Variants in FBXO4 observed in about 807,000 individuals in gnomAD.
FBXO4 encodes F-box protein 4, also known as F-box only protein 4.
Under a neutral mutation model 43.7 loss-of-function variants are expected in FBXO4, and 36 were observed. The ratio of observed to expected loss-of-function variants is 0.82; its 90% CI spans 0.63 to 1.09. The LOEUF is 1.09. Ranked by LOEUF, FBXO4 falls within the 50% of genes least tolerant of loss-of-function variation. FBXO4 has a pLI of 0.00. For synonymous variants in FBXO4, 180 were observed against 165.6 expected, an observed-to-expected ratio of 1.09 and a Z score of -0.67; for missense variants, 435 against 474.1, an observed-to-expected ratio of 0.92 and a Z score of 0.77.
At chr5:42,032,630 G>A in the FBXO4 span, among the ~76,000 whole-genome samples, 1 of 152,130 alleles carries the variant, frequency 6.6e-6, no homozygotes, top group Non-Finnish European at 1.5e-5. Flanking sequence ...TCAGGACAGT[G>A]GGCTCCCCTC....
chr5:42,008,356 T>G, the FBXO4 span, among the ~76,000 whole-genome samples: 1 of 152,172 alleles, frequency 6.6e-6, no homozygotes, highest in South Asian at 2.1e-4. Flanking sequence ...TTTCTGTTTT[T>G]CCTCCTGATT....
the FBXO4 span, among the ~76,000 whole-genome samples, chr5:41,991,780 G>C: frequency 1.8e-4 from 27 of 152,256 alleles, no homozygotes; most frequent in African/African-American, 6.0e-4. Flanking sequence ...TGTGTCTTAA[G>C]TATTTATATA....
At chr5:41,935,368 G>A (rs1396578513) in intron 5 of FBXO4, among the ~76,000 whole-genome samples, 1 of 152,204 alleles carries the variant, frequency 6.6e-6, no homozygotes, top group Non-Finnish European at 1.5e-5. Context: ...AGGCATGCAT[G>A]TGATGACCAG....
At chr5:42,008,522 C>T in the FBXO4 span, among the ~76,000 whole-genome samples, 1 of 152,090 alleles carries the variant, frequency 6.6e-6, no homozygotes, top group Admixed American at 6.6e-5. Context: ...AACTGTGACC[C>T]CTGCTCCTCT....
chr5:41,954,152 AT>A, the FBXO4 span, among the ~76,000 whole-genome samples: 13 of 151,314 alleles, frequency 8.6e-5, no homozygotes, highest in East Asian at 1.9e-4. Flanking sequence ...AGTTCCTACA[AT>A]TTTTTTTTCG....
the FBXO4 span, among the ~76,000 whole-genome samples, chr5:42,028,363 T>C: frequency 1.3e-5 from 2 of 152,002 alleles, no homozygotes; most frequent in South Asian, 2.1e-4. Context: ...TTGGTTTCCA[T>C]TGGCATGGAA....
chr5:42,017,140 A>T, the FBXO4 span, among the ~76,000 whole-genome samples: 1 of 152,194 alleles, frequency 6.6e-6, no homozygotes, highest in Admixed American at 6.6e-5. Flanking sequence ...CAATCGATTG[A>T]GAAGAACACA....
the FBXO4 span, among the ~76,000 whole-genome samples, chr5:42,031,415 C>T: frequency 7.2e-6 from 1 of 139,390 alleles, no homozygotes; most frequent in Non-Finnish European, 1.5e-5. Flanking sequence ...ACAATGAGAA[C>T]ACATGGACAC....
chr5:41,950,292 G>A, the FBXO4 span, among the ~76,000 whole-genome samples: 7 of 151,762 alleles, frequency 4.6e-5, no homozygotes, highest in Non-Finnish European at 7.4e-5. Flanking sequence ...TACAGAATGG[G>A]ACAAAAATTT....
chr5:41,956,945 T>G, the FBXO4 span, among the ~76,000 whole-genome samples: 1 of 151,630 alleles, frequency 6.6e-6, no homozygotes, highest in African/African-American at 2.4e-5. Context: ...CTCCTGACCT[T>G]AGGTGATCCA....
the FBXO4 span, among the ~76,000 whole-genome samples, chr5:41,997,475 A>G: frequency 0.023 from 3,462 of 152,246 alleles, 58 homozygotes; most frequent in South Asian, 0.04. Context: ...TCCCACCATA[A>G]TAGCCCTCAC....
At chr5:41,961,130 A>G in the FBXO4 span, among the ~76,000 whole-genome samples, 3 of 152,022 alleles carry the variant, frequency 2.0e-5, no homozygotes, top group African/African-American at 4.8e-5. Context: ...TTTGTCACCA[A>G]TGGGGTCAAA....
the FBXO4 span, among the ~76,000 whole-genome samples, chr5:42,005,310 A>G: frequency 2.0e-5 from 3 of 152,116 alleles, no homozygotes; most frequent in African/African-American, 7.2e-5. Context: ...TCATAAGTAT[A>G]CTTTGTGATG....
the FBXO4 span, among the ~76,000 whole-genome samples, chr5:42,032,764 C>T: frequency 1.4e-4 from 21 of 152,196 alleles, no homozygotes; most frequent in African/African-American, 5.1e-4. Flanking sequence ...AGAAAAAGTC[C>T]CCTTTTACTT....
chr5:42,010,983 C>G, the FBXO4 span, among the ~76,000 whole-genome samples: 1 of 152,136 alleles, frequency 6.6e-6, no homozygotes, highest in Admixed American at 6.6e-5. Context: ...CCCATCAACC[C>G]GTTATCTACA....
chr5:41,929,987 A>ATTTCT, intron 3 of FBXO4, 70 bp downstream of exon 3: 1 of 1,241,108 alleles, frequency 8.1e-7, no homozygotes, highest in Non-Finnish European at 1.1e-6. Context: ...AAAGAAAGAA[A>ATTTCT]TTCATTTTAA....
At chr5:41,989,982 C>G in the FBXO4 span, among the ~76,000 whole-genome samples, 1 of 152,056 alleles carries the variant, frequency 6.6e-6, no homozygotes, top group Non-Finnish European at 1.5e-5. Flanking sequence ...TTTAGAGGGA[C>G]CTAGTGGGTT....
the FBXO4 span, among the ~76,000 whole-genome samples, chr5:41,949,163 A>T: frequency 6.6e-6 from 1 of 152,206 alleles, no homozygotes; most frequent in African/African-American, 2.4e-5. Flanking sequence ...TAAGACAAGG[A>T]TGCCCTCTCT....
At chr5:41,953,980 C>T in the FBXO4 span, among the ~76,000 whole-genome samples, 1 of 152,252 alleles carries the variant, frequency 6.6e-6, no homozygotes, top group South Asian at 2.1e-4. Context: ...ATTCTGGATT[C>T]AAGGTTATTA....
Sources: gnomAD v4.1 joint callset for allele counts (sites outside exome capture counted in the v4.1 genomes callset) on GRCh38, gnomAD v4.1.1 for gene constraint, MANE v1.5 for transcripts, NCBI Gene and HGNC (gene_info 2026-07-23, HGNC 2026-07-21) for gene names.